RNF217: variants seen among roughly 807,000 people sequenced by gnomAD.
The protein encoded by RNF217 is E3 ubiquitin-protein ligase RNF217.
A neutral mutation model predicts 57.8 loss-of-function variants in RNF217; 31 were observed. The ratio of observed to expected loss-of-function variants is 0.54; its 90% CI spans 0.40 to 0.72. RNF217 has a LOEUF of 0.72. RNF217 is among the 30% of genes least tolerant of loss of function. The pLI, the probability that RNF217 is intolerant of heterozygous loss-of-function variation, is 0.00. For synonymous variants in RNF217, 313 were observed against 294.0 expected, an observed-to-expected ratio of 1.06 and a Z score of -0.66; for missense variants, 696 against 708.3, an observed-to-expected ratio of 0.98 and a Z score of 0.20.
At chr6:125,040,505 C>T (rs1264927764) in intron 1 of RNF217, among the ~76,000 whole-genome samples, 1 of 152,146 alleles carries the variant, frequency 6.6e-6, no homozygotes, top group East Asian at 1.9e-4. Flanking sequence ...TGAATTCTAC[C>T]AGAGGTACAG....
At chr6:124,988,971 T>A (rs1486048187) in intron 1 of RNF217, among the ~76,000 whole-genome samples, 1 of 152,140 alleles carries the variant, frequency 6.6e-6, no homozygotes, top group Non-Finnish European at 1.5e-5. Context: ...GTTTTGCAGC[T>A]CTTTGAACAG....
At chr6:125,052,335 G>T (rs1320060784) in intron 2 of RNF217, among the ~76,000 whole-genome samples, 7 of 143,488 alleles carry the variant, frequency 4.9e-5, no homozygotes, top group African/African-American at 1.6e-4. Flanking sequence ...TATTTGTTTT[G>T]TTTTGTTTTG....
intron 2 of RNF217, among the ~76,000 whole-genome samples, chr6:125,051,386 A>G (rs1399144077): frequency 1.3e-5 from 2 of 151,698 alleles, no homozygotes; most frequent in South Asian, 4.2e-4. Context: ...TCCTTATAAA[A>G]TGGTCTGGAA....
intron 1 of RNF217, among the ~76,000 whole-genome samples, chr6:125,039,902 A>G (rs1405798821): frequency 2.0e-5 from 3 of 152,196 alleles, no homozygotes; most frequent in Non-Finnish European, 4.4e-5. Context: ...GAAACCAGTA[A>G]GGACAAAGAG....
At chr6:125,046,424 T>C (rs1402789994) in intron 2 of RNF217, among the ~76,000 whole-genome samples, 1 of 151,992 alleles carries the variant, frequency 6.6e-6, no homozygotes, top group African/African-American at 2.4e-5. Context: ...ACAGCCCTGA[T>C]TGTATATTAG....
intron 3 of RNF217, among the ~76,000 whole-genome samples, chr6:125,060,787 C>A (rs150134896): frequency 6.6e-6 from 1 of 152,102 alleles, no homozygotes; most frequent in Non-Finnish European, 1.5e-5. Context: ...GGTGATATAA[C>A]ATCAGATAGA....
chr6:125,066,047 C>T (rs978009187), intron 3 of RNF217, among the ~76,000 whole-genome samples: 1 of 152,160 alleles, frequency 6.6e-6, no homozygotes, highest in Non-Finnish European at 1.5e-5. Context: ...GACTCTGCTT[C>T]TTTCATTTCC....
At chr6:125,053,626 G>T (rs1045291218) in intron 2 of RNF217, among the ~76,000 whole-genome samples, 1 of 151,398 alleles carries the variant, frequency 6.6e-6, no homozygotes, top group African/African-American at 2.5e-5. Flanking sequence ...TTTTTATTTT[G>T]TGGGTTGTTT....
intron 1 of RNF217, chr6:124,996,769 A>G (rs1446459540): frequency 6.6e-6 from 1 of 152,242 alleles, no homozygotes; most frequent in African/African-American, 2.4e-5. Context: ...ACCAAATACT[A>G]CAAATATTGC....
At chr6:125,013,533 G>A (rs978632085) in intron 1 of RNF217, among the ~76,000 whole-genome samples, 11 of 147,864 alleles carry the variant, frequency 7.4e-5, no homozygotes, top group African/African-American at 2.7e-4. Flanking sequence ...ACAGCCCTGA[G>A]GCCAGAATAT....
At chr6:125,044,149 C>T (rs482014) in intron 1 of RNF217, among the ~76,000 whole-genome samples, 61,141 of 151,620 alleles carry the variant, frequency 0.4, 12,834 homozygotes, top group South Asian at 0.56. Flanking sequence ...TCATAGCATG[C>T]TTTTCTACTC....
Position 125,091,966 on chromosome 6 carries a change from T to C in RNF217, c.*9029T>C, listed in dbSNP as rs528440495. 6.6e-6 allele frequency: 1 copy of C among 152,300 alleles called. No homozygotes were observed. The highest frequency in any genetic ancestry group is 2.1e-4 in the South Asian group (1 of 4,828). The allele number at this position is 152,300 out of a possible 1,614,324, so 9.4% of individuals were successfully genotyped here. ...ATTCTTTATGTATCATAATATATAA[T>C]TCAACTTTTCCTGATGAATGTATGC... On this transcript the variant is annotated 3_prime_UTR_variant, in exon 6 of 6. Transcript: ENST00000521654.
chr6:125,063,034 T>C (rs1787797604), intron 3 of RNF217, among the ~76,000 whole-genome samples: 1 of 152,238 alleles, frequency 6.6e-6, no homozygotes, highest in Non-Finnish European at 1.5e-5. Context: ...AAATCTAGTT[T>C]GTAGACTTAG....
rs1783318754 is a variant in RNF217, at chr6:124,962,530, G to T, written c.-15G>T. The T allele has an allele frequency of 5.2e-6, 6 of 1,164,546 alleles. No individual in the cohort carries two copies. Among genetic ancestry groups the T allele is most frequent in the South Asian group, 4.2e-5 (1 of 23,766 alleles). 72.1% of individuals were successfully genotyped at this position (1,164,546 alleles called of 1,614,324 possible). On this transcript the variant is annotated 5_prime_UTR_variant, in exon 1 of 6. Transcript: ENST00000521654. The surrounding 1 kb of genome is among the most constrained non-coding windows in gnomAD (Gnocchi z 4.6). ...GCGGCTGGATGGGCAGCGGCGGCGCGGGCCGCGGGCGGCGATGGGCGAGGA... is the reference window on the plus strand; with the variant it reads ...GCGGCTGGATGGGCAGCGGCGGCGCTGGCCGCGGGCGGCGATGGGCGAGGA...
At chr6:124,990,338 T>C (rs1784514253) in intron 1 of RNF217, among the ~76,000 whole-genome samples, 1 of 152,206 alleles carries the variant, frequency 6.6e-6, no homozygotes, top group Non-Finnish European at 1.5e-5. Context: ...TGCCACTGGC[T>C]TTCTAATTTA....
rs73579224 is a variant in RNF217, at chr6:125,021,581, A to G, written c.883-23630A>G. ...CACCCGGCCAGAAAATGCTTACCTT[A>G]TGTTACATGGAAAAGCAAGTTACCA... On this transcript the variant is annotated intron_variant, in intron 1 of 5. Coordinates refer to ENST00000521654, the MANE Select transcript of RNF217 (RefSeq NM_001286398.3). Among the ~76,000 whole-genome samples, 753 of 152,174 alleles carry G rather than the reference A, an allele frequency of 4.9e-3. 5 individuals carry two copies. Among genetic ancestry groups the G allele is most frequent in the Middle Eastern group, 0.024 (7 of 292 alleles).
At chr6:125,018,028 G>A (rs7754082) in intron 1 of RNF217, among the ~76,000 whole-genome samples, 130,455 of 152,156 alleles carry the variant, frequency 0.86, 57,813 homozygotes, top group Non-Finnish European at 0.98. Context: ...TTTTATAAGT[G>A]TAACAACTAT....
intron 1 of RNF217, among the ~76,000 whole-genome samples, chr6:125,033,654 T>C (rs1018575769): frequency 1.2e-4 from 18 of 151,220 alleles, no homozygotes; most frequent in African/African-American, 4.4e-4. Context: ...GCAATAAACA[T>C]ATGTGTGCAT....
chr6:124,967,882 G>A (rs564752563), intron 1 of RNF217, among the ~76,000 whole-genome samples: 27 of 152,088 alleles, frequency 1.8e-4, no homozygotes, highest in African/African-American at 5.8e-4. Flanking sequence ...GGGTTCAAGC[G>A]ATTCTCCTGC....
Sources: gnomAD v4.1 joint callset for allele counts (sites outside exome capture counted in the v4.1 genomes callset) on GRCh38, gnomAD v4.1.1 for gene constraint, Gnocchi (gnomAD v3.1) non-coding constraint, MANE v1.5 for transcripts, NCBI Gene and HGNC (gene_info 2026-07-23, HGNC 2026-07-21) for gene names.